The following TBC1D9B variants were observed in gnomAD, a reference collection of about 807,000 sequenced individuals.
TBC1D9B encodes TBC1 domain family, member 9B (with GRAM domain).
Under a neutral mutation model 121.1 loss-of-function variants are expected in TBC1D9B, and 87 were observed. The ratio of observed to expected loss-of-function variants is 0.72; its 90% confidence interval spans 0.60 to 0.86. The LOEUF is 0.86. Ranked by LOEUF, TBC1D9B falls within the 40% of genes least tolerant of loss-of-function variation. The pLI is 0.00. For synonymous variants in TBC1D9B, 668 were observed against 670.1 expected (o/e 1.00, Z 0.05); for missense variants, 1,540 against 1,628.6 (o/e 0.95, Z 0.94).
At chr5:179,878,671 C>A in intron 9 of TBC1D9B, 148 bp from the exon 10 acceptor site, 1 of 822,450 alleles carries the variant, frequency 1.2e-6, no homozygotes. Context: ...TTCCCTTGTG[C>A]TCCTGGGGAG....
chr5:179,870,774 G>C (rs1448003922), intron 15 of TBC1D9B: 5 of 454,120 alleles, frequency 1.1e-5, no homozygotes. Context: ...GAGCCTTCCT[G>C]GCAGGGCTCC....
rs1582087070 is a variant in TBC1D9B at position 179,880,003 on chromosome 5, T to C, written c.1255-214A>G. On this transcript the variant is annotated intron_variant, in intron 7 of 20. Transcript: ENST00000355235. ...TGGCTGCTGGACACCGAGTCCTCAG[T>C]AATTAACCCCACTCTCACCAGCGAG... The C allele has an allele frequency of 1.3e-5, 8 of 612,290 alleles. No homozygotes were observed. In the East Asian group the frequency reaches 2.0e-4, roughly 15 times the overall value. 37.9% of individuals were successfully genotyped at this position (612,290 alleles called of 1,614,324 possible).
intron 3 of TBC1D9B, among the ~76,000 whole-genome samples, chr5:179,895,883 A>G (rs1761004728): frequency 6.6e-6 from 1 of 152,218 alleles, no homozygotes; most frequent in Non-Finnish European, 1.5e-5. Flanking sequence ...TTTTGACATA[A>G]GAAGTATTTT....
Position 179,885,776 on chromosome 5 carries a change from C to A in TBC1D9B, c.1254+2327G>T, listed in dbSNP as rs539205911. ...ACCTCTAATCCACTGTCAACATGGA[C>A]GGCCACAGTAACCCCATTAACACGT... On this transcript the variant is annotated intron_variant, in intron 7 of 20. Transcript: ENST00000355235. The surrounding 1 kb of genome is among the most constrained non-coding windows in gnomAD (Gnocchi z 4.5). Among the ~76,000 whole-genome samples, 28 of 152,286 alleles carry A rather than the reference C, an allele frequency of 1.8e-4. No homozygotes were observed. The highest frequency in any genetic ancestry group is 5.5e-4 in the African/African-American group (23 of 41,538).
In TBC1D9B at chr5:179,872,976, C is replaced by G. The variant is rs749392376; in HGVS notation, c.2331G>C (p.Leu777=). 2 of 1,614,082 alleles carry G rather than the reference C, an allele frequency of 1.2e-6. No individual in the cohort carries two copies. Among genetic ancestry groups the G allele is most frequent in the Non-Finnish European group, 1.7e-6 (2 of 1,180,014 alleles). ...GCATCTGCTCAATGTCTTCGGCCCT[C>G]AGGCTGCTGAATTTCTATAGGGAGA... ...LKVSYEKFSS[L]RAEDIEQMRF... The change falls in exon 14 of 21, where the codon CTG becomes CTC. Residue 777 remains leucine, a synonymous_variant. Coordinates refer to ENST00000355235, the MANE Select transcript of TBC1D9B (RefSeq NM_015043.4).
At position 179,885,594 on chromosome 5, in the gene TBC1D9B, CA is replaced by C. The variant is rs36027894; in HGVS notation, c.1254+2508del. ...ACAGAGCAAGACTCTGTCCCCCCCC[CA>C]AAAAAAAAAAGATGGAGGTATTTTA... On this transcript the variant is annotated intron_variant, in intron 7 of 20. Coordinates refer to ENST00000355235, the MANE Select transcript of TBC1D9B (RefSeq NM_015043.4). The surrounding 1 kb of genome is among the most constrained non-coding windows in gnomAD (Gnocchi z 4.5). Among the ~76,000 whole-genome samples the C allele has an allele frequency of 0.44, 62,389 of 140,720 alleles. 13,861 individuals are homozygous for C. Among genetic ancestry groups the C allele is most frequent in the East Asian group, 0.77 (3,849 of 5,028 alleles). The allele number at this position is 140,720 out of a possible 152,430, so 92.3% of individuals were successfully genotyped here. A position where few individuals can be genotyped will look rare whatever the true frequency, so the allele number is the denominator to read the frequency against.
At chr5:179,877,553 A>T (rs1483324768) in intron 10 of TBC1D9B, among the ~76,000 whole-genome samples, 1 of 151,546 alleles carries the variant, frequency 6.6e-6, no homozygotes, top group African/African-American at 2.4e-5. Context: ...AATCCCAGCT[A>T]CTCAAGAGGC....
intron 1 of TBC1D9B, among the ~76,000 whole-genome samples, chr5:179,906,569 G>A (rs1035646813): frequency 2.0e-5 from 3 of 152,212 alleles, no homozygotes; most frequent in Non-Finnish European, 4.4e-5. Context: ...CATCGGGCTT[G>A]CAGTAGCTTC....
rs1418110204 is a variant in TBC1D9B at position 179,907,317 on chromosome 5, G to A, written c.118+387C>T. 6.6e-6 allele frequency among the ~76,000 whole-genome samples: 1 copy of A among 152,146 alleles called. No individual in the cohort carries two copies. The highest frequency in any genetic ancestry group is 1.5e-5 in the Non-Finnish European group (1 of 67,996). ...ACCTGGCCCCTTAGAGGCACCTGGG[G>A]AAACTGAGGTGGAGGATGAGGACAG... On this transcript the variant is annotated intron_variant, in intron 1 of 20. Transcript: ENST00000355235. The surrounding 1 kb of genome is among the most constrained non-coding windows in gnomAD (Gnocchi z 5.3).
intron 18 of TBC1D9B, chr5:179,866,283 T>A (rs1760006786): frequency 5.0e-6 from 1 of 198,618 alleles, no homozygotes; most frequent in South Asian, 9.0e-5. Context: ...GGAACCCTAA[T>A]GACCCCTTCC....
chr5:179,905,564 C>G (rs943318179), intron 1 of TBC1D9B, among the ~76,000 whole-genome samples: 1 of 152,212 alleles, frequency 6.6e-6, no homozygotes, highest in Non-Finnish European at 1.5e-5. Flanking sequence ...CACATATACC[C>G]CTTTGATAGA....
chr5:179,871,066 T>C (rs1450968404), intron 15 of TBC1D9B, among the ~76,000 whole-genome samples: 1 of 152,166 alleles, frequency 6.6e-6, no homozygotes, highest in Non-Finnish European at 1.5e-5. Flanking sequence ...GTGACGACAG[T>C]CCTGGCATGG....
chr5:179,898,965 C>T (rs1404321069), intron 3 of TBC1D9B, among the ~76,000 whole-genome samples: 1 of 152,374 alleles, frequency 6.6e-6, no homozygotes, highest in Admixed American at 6.5e-5. Flanking sequence ...AAGCCCCGCA[C>T]TAGGCTTCAG....
At chr5:179,894,701 A>C in intron 3 of TBC1D9B, 87 bp from the exon 4 acceptor site, 4 of 1,378,942 alleles carry the variant, frequency 2.9e-6, no homozygotes, top group Non-Finnish European at 4.0e-6. Context: ...GGAACCCAGG[A>C]CTCATGGACC....
chr5:179,897,063 T>G (rs549628449), intron 3 of TBC1D9B, among the ~76,000 whole-genome samples: 2 of 150,856 alleles, frequency 1.3e-5, no homozygotes, highest in East Asian at 4.0e-4. Flanking sequence ...CCCGCCACCA[T>G]GCCCGGCTAA....
intron 9 of TBC1D9B, among the ~76,000 whole-genome samples, chr5:179,878,768 G>A (rs942684546): frequency 1.3e-5 from 2 of 152,202 alleles, no homozygotes; most frequent in African/African-American, 2.4e-5. Flanking sequence ...CCCAAGGAAA[G>A]GAGGCCTCTA....
chr5:179,878,301 C>A lies in TBC1D9B; in HGVS notation c.1782+8G>T. 6.2e-7 allele frequency: 1 copy of A among 1,608,344 alleles called. No homozygotes were observed. The highest frequency in any genetic ancestry group is 8.5e-7 in the Non-Finnish European group (1 of 1,178,242). On this transcript the variant is annotated splice_region_variant and intron_variant, in intron 10 of 20. Coordinates refer to ENST00000355235, the MANE Select transcript of TBC1D9B (RefSeq NM_015043.4). ...ATGCTGTCTCTGGGCCCCTGTCAGG[C>A]CCCTTACCTGGCAGTAGCCGATGGT... is the stretch of plus-strand genomic sequence containing the variant.
At position 179,890,950 on chromosome 5, in the gene TBC1D9B, G is replaced by A. The variant is rs1023560940; in HGVS notation, c.1044+429C>T. Among the ~76,000 whole-genome samples the A allele has an allele frequency of 5.3e-5, 8 of 152,228 alleles. No individual in the cohort carries two copies. Among genetic ancestry groups the A allele is most frequent in the Non-Finnish European group, 8.8e-5 (6 of 68,032 alleles). ...TGATGGCCTGCTGGAGCCGAGCCACGCCAAGGTGGTATGTCCAGAGAGGAC... is the reference window on the plus strand; with the variant it reads ...TGATGGCCTGCTGGAGCCGAGCCACACCAAGGTGGTATGTCCAGAGAGGAC... On this transcript the variant is annotated intron_variant, in intron 6 of 20. Transcript: ENST00000355235. The surrounding 1 kb of genome is among the most constrained non-coding windows in gnomAD (Gnocchi z 5.0).
chr5:179,873,528 C>T (rs1285043833), intron 12 of TBC1D9B, among the ~76,000 whole-genome samples: 6 of 152,216 alleles, frequency 3.9e-5, no homozygotes, highest in African/African-American at 1.4e-4. Flanking sequence ...TGGGCAGGAA[C>T]GCCTTATAAC....
Sources: allele counts gnomAD v4.1 joint callset (sites outside exome capture counted in the v4.1 genomes callset), GRCh38; gene constraint gnomAD v4.1.1; non-coding constraint Gnocchi (gnomAD v3.1); transcripts MANE v1.5; gene names NCBI Gene and HGNC (gene_info 2026-07-23, HGNC 2026-07-21).